The following COX10 variants were observed in gnomAD, a reference collection of about 807,000 sequenced individuals.
The protein encoded by COX10 is cytochrome c oxidase assembly factor heme A:farnesyltransferase COX10, also known as protoheme IX farnesyltransferase, mitochondrial.
COX10 carries 27 observed loss-of-function variants against 37.3 expected under a neutral mutation model. The ratio of observed to expected loss-of-function variants is 0.72; its 90% CI spans 0.53 to 1.00. The LOEUF is 1.00. Ranked by LOEUF, COX10 falls within the 50% of genes least tolerant of loss-of-function variation. The pLI is 0.00. For synonymous variants in COX10, 222 were observed against 229.1 expected (o/e 0.97, Z 0.28); for missense variants, 475 against 563.2 (o/e 0.84, Z 1.59).
intron 4 of COX10, among the ~76,000 whole-genome samples, chr17:14,159,251 T>G (rs1905120561): frequency 6.6e-6 from 1 of 152,226 alleles, no homozygotes. Flanking sequence ...GAGATCTTAA[T>G]TACGTCAGCC....
At chr17:14,170,941 T>G (rs963816807) in intron 5 of COX10, among the ~76,000 whole-genome samples, 2 of 152,166 alleles carry the variant, frequency 1.3e-5, no homozygotes, top group African/African-American at 2.4e-5. Flanking sequence ...TAGAGAAATA[T>G]AGAGTTGTTT....
Position 14,074,340 on chromosome 17 carries a change from G to A in COX10, c.61G>A (p.Val21Ile), listed in dbSNP as rs1915095737. ...TATTATAGGTTGCGTAGGAGGCTCTGTCTGGTATCTTGAAAGAAGAACTAT... is the reference window on the plus strand; with the variant it reads ...TATTATAGGTTGCGTAGGAGGCTCTATCTGGTATCTTGAAAGAAGAACTAT... ...RLLTGCVGGS[V>I]WYLERRTIQD... Residue 21 changes from valine (V) to isoleucine (I), a missense_variant, in exon 2 of 7, where the codon GTC becomes ATC. By Grantham distance (29) the Val-to-Ile change is conservative. Transcript: ENST00000261643. 3.7e-6 allele frequency: 6 copies of A among 1,613,938 alleles called. No homozygotes were observed. The South Asian group carries it at 5.5e-5, about 15-fold the overall frequency.
At chr17:14,086,791 C>T (rs8064227) in intron 3 of COX10, among the ~76,000 whole-genome samples, 73,670 of 151,888 alleles carry the variant, frequency 0.49, 17,977 homozygotes, top group Admixed American at 0.55. Flanking sequence ...ACTTCCTCAT[C>T]AATACAATTA....
intron 5 of COX10, among the ~76,000 whole-genome samples, chr17:14,188,491 A>G (rs1455490218): frequency 1.3e-5 from 2 of 151,356 alleles, no homozygotes; most frequent in South Asian, 2.1e-4. Flanking sequence ...AAAAAAAACT[A>G]TTTCTCAACC....
rs149651666 is a variant in COX10 at position 14,148,278 on chromosome 17, T to G, written c.625-11599T>G. 3.9e-3 allele frequency among the ~76,000 whole-genome samples: 599 copies of G among 151,990 alleles called. 4 individuals carry two copies. Among genetic ancestry groups the G allele is most frequent in the African/African-American group, 0.012 (502 of 41,438 alleles). ...ATGGGGGAAAATCAATGGGAAGGAGTCTTACTTAGTTTGTTTATTCTAGGT... is the reference window on the plus strand; with the variant it reads ...ATGGGGGAAAATCAATGGGAAGGAGGCTTACTTAGTTTGTTTATTCTAGGT... On this transcript the variant is annotated intron_variant, in intron 4 of 6. Transcript: ENST00000261643.
chr17:14,143,614 C>A (rs1313073465), intron 4 of COX10, among the ~76,000 whole-genome samples: 2 of 152,050 alleles, frequency 1.3e-5, no homozygotes, highest in African/African-American at 4.8e-5. Flanking sequence ...CAAATCACTT[C>A]TCTTGTCATT....
intron 4 of COX10, among the ~76,000 whole-genome samples, chr17:14,157,994 G>A (rs531691731): frequency 6.6e-6 from 1 of 152,174 alleles, no homozygotes; most frequent in Non-Finnish European, 1.5e-5. Flanking sequence ...TTATTTTAAA[G>A]GTCTATGAAT....
chr17:14,116,578 T>G (rs1916114585), intron 4 of COX10, among the ~76,000 whole-genome samples: 1 of 151,952 alleles, frequency 6.6e-6, no homozygotes, highest in Admixed American at 6.6e-5. Flanking sequence ...AATGCTGGAG[T>G]CATCAATGAC....
At chr17:14,140,570 T>A (rs1904509645) in intron 4 of COX10, among the ~76,000 whole-genome samples, 1 of 152,124 alleles carries the variant, frequency 6.6e-6, no homozygotes, top group South Asian at 2.1e-4. Context: ...ATTTAGAGTT[T>A]CTTATTGTCT....
intron 5 of COX10, among the ~76,000 whole-genome samples, chr17:14,189,337 T>C (rs1160231376): frequency 7.2e-5 from 11 of 152,250 alleles, no homozygotes. Flanking sequence ...AGATTCATTT[T>C]TTCCTCACAA....
chr17:14,136,046 G>A (rs558305221), intron 4 of COX10, among the ~76,000 whole-genome samples: 2 of 152,026 alleles, frequency 1.3e-5, no homozygotes, highest in South Asian at 2.1e-4. Context: ...GAGAACATTG[G>A]CATCAAACAA....
At chr17:14,202,073 C>G (rs1029943490) in intron 6 of COX10, among the ~76,000 whole-genome samples, 3 of 132,920 alleles carry the variant, frequency 2.3e-5, no homozygotes, top group Admixed American at 8.4e-5. Context: ...ATAGTTTTGT[C>G]ATTAAAACAG....
chr17:14,196,308 T>C (rs988434862), intron 6 of COX10, among the ~76,000 whole-genome samples: 1 of 152,084 alleles, frequency 6.6e-6, no homozygotes, highest in Non-Finnish European at 1.5e-5. Flanking sequence ...AATGATTGAG[T>C]GATCTAAGAG....
chr17:14,179,826 G>A (rs1214170200), intron 5 of COX10, among the ~76,000 whole-genome samples: 2 of 151,326 alleles, frequency 1.3e-5, no homozygotes, highest in Non-Finnish European at 2.9e-5. Context: ...GTAAGCTTTA[G>A]GTGTGGGCTG....
At chr17:14,168,799 G>A (rs903580451) in intron 5 of COX10, among the ~76,000 whole-genome samples, 3 of 152,202 alleles carry the variant, frequency 2.0e-5, no homozygotes, top group Non-Finnish European at 4.4e-5. Flanking sequence ...CTCAGCCCAC[G>A]AAGCCATTTT....
At chr17:14,185,758 AC>A (rs2142258968) in intron 5 of COX10, among the ~76,000 whole-genome samples, 1 of 139,704 alleles carries the variant, frequency 7.2e-6, no homozygotes, top group African/African-American at 2.6e-5. Flanking sequence ...CCTTTATTTA[AC>A]TTTTTTCCTC....
intron 3 of COX10, among the ~76,000 whole-genome samples, chr17:14,096,248 A>C (rs922008798): frequency 1.3e-5 from 2 of 152,142 alleles, no homozygotes; most frequent in Non-Finnish European, 2.9e-5. Flanking sequence ...CCAACTTCTT[A>C]GTACTGCCAC....
At chr17:14,133,148 A>G (rs1916503569) in intron 4 of COX10, among the ~76,000 whole-genome samples, 2 of 151,704 alleles carry the variant, frequency 1.3e-5, no homozygotes, top group Admixed American at 1.3e-4. Context: ...CCTCAAATGT[A>G]TTAAAAATAA....
intron 4 of COX10, among the ~76,000 whole-genome samples, chr17:14,103,452 C>G (rs1019871498): frequency 6.6e-6 from 1 of 152,032 alleles, no homozygotes; most frequent in Non-Finnish European, 1.5e-5. Flanking sequence ...GCCTCCTTTT[C>G]GTAAATTGAA....
Sources: allele counts gnomAD v4.1 joint callset (sites outside exome capture counted in the v4.1 genomes callset), GRCh38; gene constraint gnomAD v4.1.1; transcripts MANE v1.5; gene names NCBI Gene and HGNC (gene_info 2026-07-23, HGNC 2026-07-21).